The following PPM1L variants were observed in gnomAD, a reference collection of about 807,000 sequenced individuals.
PPM1L encodes protein phosphatase, Mg2+/Mn2+ dependent 1L, also known as protein phosphatase 1L.
Under a neutral mutation model 31.4 loss-of-function variants are expected in PPM1L, and 13 were observed. The ratio of observed to expected loss-of-function variants is 0.41; its 90% confidence interval spans 0.27 to 0.66. The LOEUF (loss-of-function observed/expected upper bound fraction) is 0.66. Among genes scored for constraint, PPM1L ranks in the 30% least tolerant of loss-of-function variants. The probability of loss-of-function intolerance (pLI) is 0.29; values close to 1 mark genes in which losing one functional copy is unlikely to be tolerated. For synonymous variants in PPM1L, 184 were observed against 175.4 expected (o/e 1.05, Z -0.39); for missense variants, 326 against 453.7 (o/e 0.72, Z 2.56).
rs1283140711 is a variant in PPM1L at position 161,070,219 on chromosome 3, G to A, written c.*1062G>A. ...TCAGGCAGTGTTCTGAGAAGCAGCA[G>A]CCTATAACTGTATGTGTGTTCCTTG... On this transcript the variant is annotated 3_prime_UTR_variant, in exon 4 of 4. Coordinates refer to ENST00000498165, the MANE Select transcript of PPM1L (RefSeq NM_139245.4). The A allele has an allele frequency of 2.0e-5, 3 of 152,252 alleles. No individual in the cohort carries two copies. The highest frequency in any genetic ancestry group is 2.0e-4 in the Admixed American group (3 of 15,290). 9.4% of individuals were successfully genotyped at this position (152,252 alleles called of 1,614,324 possible).
At chr3:160,797,990 C>T (rs1712310412) in intron 1 of PPM1L, among the ~76,000 whole-genome samples, 1 of 152,154 alleles carries the variant, frequency 6.6e-6, no homozygotes, top group East Asian at 1.9e-4. Context: ...CCGTCCTGGC[C>T]AACATGGTGA....
At chr3:160,941,586 A>G (rs941401810) in intron 1 of PPM1L, among the ~76,000 whole-genome samples, 5 of 152,076 alleles carry the variant, frequency 3.3e-5, no homozygotes, top group African/African-American at 1.2e-4. Context: ...TGCCACTGCC[A>G]TGTAAGAAGT....
chr3:160,760,569 A>G (rs1714944431), intron 1 of PPM1L, among the ~76,000 whole-genome samples: 1 of 152,178 alleles, frequency 6.6e-6, no homozygotes, highest in Non-Finnish European at 1.5e-5. Context: ...CTTATATAAC[A>G]AGATTAAAAC....
intron 1 of PPM1L, among the ~76,000 whole-genome samples, chr3:160,862,003 A>G (rs1711909028): frequency 6.6e-6 from 1 of 152,130 alleles, no homozygotes; most frequent in African/African-American, 2.4e-5. Flanking sequence ...TCCCATCTCA[A>G]GACTCTTACC....
intron 1 of PPM1L, among the ~76,000 whole-genome samples, chr3:160,953,447 T>C (rs1248488353): frequency 6.6e-6 from 1 of 152,198 alleles, no homozygotes; most frequent in Non-Finnish European, 1.5e-5. Context: ...GTTAAGGACA[T>C]CAGAAGCCTG....
intron 2 of PPM1L, among the ~76,000 whole-genome samples, chr3:161,032,043 C>G (rs1718582012): frequency 1.3e-5 from 2 of 152,170 alleles, no homozygotes; most frequent in African/African-American, 2.4e-5. Flanking sequence ...ATCCCATACT[C>G]CTTCAGCCCA....
At chr3:160,815,235 T>G (rs1712960114) in intron 1 of PPM1L, among the ~76,000 whole-genome samples, 1 of 152,208 alleles carries the variant, frequency 6.6e-6, no homozygotes, top group South Asian at 2.1e-4. Flanking sequence ...TTCTTCTTAT[T>G]TCTGCACAGT....
chr3:160,961,891 T>A lies in PPM1L; in HGVS notation c.555T>A (p.Thr185=). 1 of 1,587,856 alleles carries A rather than the reference T, an allele frequency of 6.3e-7. No homozygotes were observed. The highest frequency in any genetic ancestry group is 1.2e-5 in the South Asian group (1 of 85,090). The change falls in exon 2 of 4, where the codon ACT becomes ACA. Residue 185 remains threonine (T), a synonymous_variant. Transcript: ENST00000498165. ...SIDREMLEKL[T]VSYDEAGTTC... is the part of the protein sequence containing the mutation. ...ACCGAGAAATGCTAGAAAAATTGAC[T>A]GTATCCTATGATGAAGCAGGTATGT...
chr3:160,923,672 C>T (rs1714493641), intron 1 of PPM1L, among the ~76,000 whole-genome samples: 1 of 152,172 alleles, frequency 6.6e-6, no homozygotes, highest in Non-Finnish European at 1.5e-5. Flanking sequence ...TCAGTTTCCT[C>T]TTCAGTCATC....
chr3:160,835,391 C>T (rs1713684986), intron 1 of PPM1L, among the ~76,000 whole-genome samples: 1 of 151,998 alleles, frequency 6.6e-6, no homozygotes, highest in African/African-American at 2.4e-5. Flanking sequence ...AAGAGCCAGT[C>T]ATAGGGTTAA....
intron 1 of PPM1L, chr3:160,939,680 C>T: frequency 6.2e-6 from 1 of 160,876 alleles, no homozygotes; most frequent in Non-Finnish European, 1.3e-5. Context: ...CTTTCATCTC[C>T]TGCCATGATT....
At chr3:160,839,339 A>G (rs1713802331) in intron 1 of PPM1L, among the ~76,000 whole-genome samples, 1 of 152,200 alleles carries the variant, frequency 6.6e-6, no homozygotes, top group Admixed American at 6.5e-5. Context: ...ACCTTAGATA[A>G]GATTGAAAAA....
rs577505839 is a variant in PPM1L, at chr3:160,853,225, T to C, written c.399+96518T>C. Among the ~76,000 whole-genome samples the C allele has an allele frequency of 3.9e-5, 6 of 152,290 alleles. No individual in the cohort carries two copies. The East Asian group carries it at 7.7e-4, about 20-fold the overall frequency. On this transcript the variant is annotated intron_variant, in intron 1 of 3. Coordinates refer to ENST00000498165, the MANE Select transcript of PPM1L (RefSeq NM_139245.4). Reference sequence around the variant, plus strand: ...TTCTTTTTGGCAGTGGGAGGGAGCATATAAAGTAATAATCACAGGTTCTGG... The same window carrying C: ...TTCTTTTTGGCAGTGGGAGGGAGCACATAAAGTAATAATCACAGGTTCTGG...
At chr3:160,934,464 C>A (rs1714891408) in intron 1 of PPM1L, among the ~76,000 whole-genome samples, 1 of 152,028 alleles carries the variant, frequency 6.6e-6, no homozygotes, top group East Asian at 1.9e-4. Context: ...AATATATGTT[C>A]ATTGTAGAAA....
intron 1 of PPM1L, among the ~76,000 whole-genome samples, chr3:160,951,886 G>GCAC (rs914413727): frequency 6.6e-6 from 1 of 152,160 alleles, no homozygotes; most frequent in African/African-American, 2.4e-5. Context: ...ACTAGCATTT[G>GCAC]CACGTCTGCA....
chr3:160,955,655 T>C (rs1054785665), intron 1 of PPM1L, among the ~76,000 whole-genome samples: 3 of 53,840 alleles, frequency 5.6e-5, no homozygotes, highest in Admixed American at 2.0e-4. Flanking sequence ...ACAAGTTTTC[T>C]TTTTTTTTTT....
At chr3:160,786,209 T>TACACATATATATATATA (rs1560106787) in intron 1 of PPM1L, among the ~76,000 whole-genome samples, 5 of 26,244 alleles carry the variant, frequency 1.9e-4, no homozygotes, top group African/African-American at 1.4e-3. Flanking sequence ...ATATATATAT[T>TACACATATATATATATA]TTTTTTTTTT....
At chr3:161,008,688 AAC>A (rs1036525898) in intron 2 of PPM1L, among the ~76,000 whole-genome samples, 38 of 152,270 alleles carry the variant, frequency 2.5e-4, no homozygotes, top group African/African-American at 7.9e-4. Context: ...TAGGAAAAAG[AAC>A]AGAGTCAAAA....
chr3:160,844,845 A>T (rs1714024356), intron 1 of PPM1L, among the ~76,000 whole-genome samples: 1 of 152,048 alleles, frequency 6.6e-6, no homozygotes, highest in African/African-American at 2.4e-5. Context: ...TAAGTTTTAG[A>T]ACATTTTCAT....
Sources: gnomAD v4.1 joint callset for allele counts (sites outside exome capture counted in the v4.1 genomes callset) on GRCh38, gnomAD v4.1.1 for gene constraint, MANE v1.5 for transcripts, NCBI Gene and HGNC (gene_info 2026-07-23, HGNC 2026-07-21) for gene names.